Variants in IL12RB2 observed in about 807,000 individuals in gnomAD.
IL12RB2 encodes interleukin 12 receptor subunit beta 2.
A neutral mutation model predicts 89.4 loss-of-function variants in IL12RB2; 82 were observed. That is an observed-to-expected ratio of 0.92 (90% CI 0.77 to 1.10). The LOEUF is 1.10. Ranked by LOEUF, IL12RB2 falls within the 50% of genes least tolerant of loss-of-function variation. The pLI, the probability that IL12RB2 is intolerant of heterozygous loss-of-function variation, is 0.00. For missense variants in IL12RB2, 963 were observed against 1,031.9 expected (o/e 0.93, Z 0.92); for synonymous variants, 368 against 370.1 (o/e 0.99, Z 0.07).
In IL12RB2 at chr1:67,395,779, G is replaced by A. The variant is rs200650172; in HGVS notation, c.2279G>A (p.Ser760Asn). 3.7e-6 allele frequency: 6 copies of A among 1,614,122 alleles called. No individual in the cohort carries two copies. In the South Asian group the frequency reaches 6.6e-5, roughly 18 times the overall value. Residue 760 changes from serine to asparagine, a missense_variant, in exon 17 of 17, where the codon AGC becomes AAC. Ser to Asn is a conservative substitution (Grantham distance 46, BLOSUM62 1). Transcript: ENST00000674203. The part of the protein sequence containing the change: ...PPPPRALQAE[S>N]RQLVDLYKVL... ...CCTCCAAGAGCTCTCCAAGCTGAGA[G>A]CAGACAACTGGTGGATCTGTACAAG...
At chr1:67,369,311 G>A (rs1663035336) in intron 11 of IL12RB2, among the ~76,000 whole-genome samples, 1 of 152,182 alleles carries the variant, frequency 6.6e-6, no homozygotes, top group African/African-American at 2.4e-5. Flanking sequence ...CGGCTTGACG[G>A]CTGTTGCTGG....
chr1:67,361,494 C>A (rs1662035817), intron 10 of IL12RB2, among the ~76,000 whole-genome samples: 1 of 152,074 alleles, frequency 6.6e-6, no homozygotes, highest in Admixed American at 6.5e-5. Context: ...TGCTAGAGAT[C>A]AAAAACAGTG....
At chr1:67,329,467 T>A (rs989209343) in intron 6 of IL12RB2, 120 bp from the exon 7 acceptor site, 1 of 749,172 alleles carries the variant, frequency 1.3e-6, no homozygotes, top group Non-Finnish European at 2.5e-6. Context: ...TTTACCAAAT[T>A]TGATGGTTGT....
intron 10 of IL12RB2, among the ~76,000 whole-genome samples, chr1:67,364,866 A>T (rs573477643): frequency 6.6e-6 from 1 of 152,224 alleles, no homozygotes; most frequent in Non-Finnish European, 1.5e-5. Context: ...CATTCTTCTC[A>T]TGCTCATATG....
intron 8 of IL12RB2, among the ~76,000 whole-genome samples, chr1:67,335,537 C>T (rs1447524887): frequency 6.6e-6 from 1 of 152,162 alleles, no homozygotes; most frequent in East Asian, 1.9e-4. Flanking sequence ...TTTTCCTTTA[C>T]AGACAAAGTA....
chr1:67,380,554 G>A (rs1022678662), intron 14 of IL12RB2, among the ~76,000 whole-genome samples: 2 of 152,178 alleles, frequency 1.3e-5, no homozygotes, highest in African/African-American at 4.8e-5. Flanking sequence ...AGCAGCTATT[G>A]CATATGCAAC....
intron 11 of IL12RB2, 120 bp downstream of exon 11, chr1:67,368,145 G>A: frequency 2.8e-6 from 2 of 721,142 alleles, no homozygotes; most frequent in Non-Finnish European, 5.0e-6. Context: ...GAGAGAGACT[G>A]ATGACCTAGA....
intron 1 of IL12RB2, among the ~76,000 whole-genome samples, chr1:67,313,069 T>C (rs988779265): frequency 8.5e-5 from 13 of 152,276 alleles, no homozygotes; most frequent in Admixed American, 5.2e-4. Flanking sequence ...ATGTAATGGC[T>C]TGTTACATTC....
At chr1:67,343,803 A>G (rs2100790816) in intron 9 of IL12RB2, among the ~76,000 whole-genome samples, 1 of 152,290 alleles carries the variant, frequency 6.6e-6, no homozygotes, top group Non-Finnish European at 1.5e-5. Context: ...GCATCCTCTC[A>G]TTATCTTGAT....
In IL12RB2 at chr1:67,367,459, C is replaced by A. The variant is rs549217165; in HGVS notation, c.1259-366C>A. Among the ~76,000 whole-genome samples the A allele has an allele frequency of 1.3e-3, 25 of 19,322 alleles. No individual in the cohort carries two copies. The Admixed American group carries it at 0.019, about 15-fold the overall frequency. The allele number at this position is 19,322 out of a possible 152,430, so 12.7% of individuals were successfully genotyped here. Reference sequence around the variant, plus strand: ...AGAAAGAAGGAAGGAAGGAAAGGAACGAGGGAAGGAAGGAAGGAAGGAAGG... The same window carrying A: ...AGAAAGAAGGAAGGAAGGAAAGGAAAGAGGGAAGGAAGGAAGGAAGGAAGG... On this transcript the variant is annotated intron_variant, in intron 10 of 16. Transcript: ENST00000674203.
chr1:67,332,750 A>G (rs1379034570), intron 8 of IL12RB2, among the ~76,000 whole-genome samples: 4 of 152,232 alleles, frequency 2.6e-5, no homozygotes, highest in Non-Finnish European at 5.9e-5. Flanking sequence ...TTTATATCCA[A>G]GTTCAAGGTA....
chr1:67,362,626 G>C (rs1453513079), intron 10 of IL12RB2, among the ~76,000 whole-genome samples: 1 of 150,432 alleles, frequency 6.6e-6, no homozygotes, highest in Non-Finnish European at 1.5e-5. Flanking sequence ...TGCAAGCAAG[G>C]AAAGAGTAGA....
intron 15 of IL12RB2, among the ~76,000 whole-genome samples, 179 bp downstream of exon 15, chr1:67,386,848 A>G (rs1436836241): frequency 7.2e-6 from 1 of 139,550 alleles, no homozygotes; most frequent in Non-Finnish European, 1.5e-5. Flanking sequence ...TTTTGATCTA[A>G]CAATCTCTAA....
At chr1:67,362,572 CAAAAAAAAAA>C (rs956277979) in intron 10 of IL12RB2, among the ~76,000 whole-genome samples, 3 of 43,342 alleles carry the variant, frequency 6.9e-5, no homozygotes, top group African/African-American at 1.0e-4. Context: ...GACTCCGTCT[CAAAAAAAAAA>C]AAAAAAAAAA....
At chr1:67,335,535 TACAG>T (rs1186765673) in intron 8 of IL12RB2, among the ~76,000 whole-genome samples, 3 of 152,244 alleles carry the variant, frequency 2.0e-5, no homozygotes, top group Admixed American at 1.3e-4. Context: ...TTTTTTCCTT[TACAG>T]ACAAAGTATT....
chr1:67,355,957 T>A (rs1661346872), intron 10 of IL12RB2, among the ~76,000 whole-genome samples: 1 of 152,194 alleles, frequency 6.6e-6, no homozygotes, highest in Admixed American at 6.6e-5. Context: ...GAGAAAGTAG[T>A]GGTTAGAAAG....
intron 8 of IL12RB2, among the ~76,000 whole-genome samples, chr1:67,338,297 A>C (rs1282048076): frequency 1.5e-5 from 2 of 135,560 alleles, no homozygotes; most frequent in Non-Finnish European, 3.1e-5. Context: ...CCACTGCATC[A>C]CTGCATTCCA....
intron 10 of IL12RB2, among the ~76,000 whole-genome samples, chr1:67,353,887 A>G (rs1661097082): frequency 6.6e-6 from 1 of 152,224 alleles, no homozygotes; most frequent in African/African-American, 2.4e-5. Context: ...CATGAATTCT[A>G]TGGTCCCATT....
In IL12RB2 at chr1:67,337,901, TAAA is replaced by T. The variant is rs11449571; in HGVS notation, c.959-709_959-707del. 4.9e-3 allele frequency among the ~76,000 whole-genome samples: 643 copies of T among 132,296 alleles called. 3 individuals carry two copies. Among genetic ancestry groups the T allele is most frequent in the East Asian group, 0.032 (149 of 4,590 alleles). The allele number at this position is 132,296 out of a possible 152,430, so 86.8% of individuals were successfully genotyped here. A position where few individuals can be genotyped will look rare whatever the true frequency, so the allele number is the denominator to read the frequency against. ...GTTGAGAATTCTTTCTGCATTCTAG[TAAA>T]AAAAAAAAAAAAAGAAAAGAAAAGA... is the stretch of plus-strand genomic sequence containing the variant. On this transcript the variant is annotated intron_variant, in intron 8 of 16. Transcript: ENST00000674203.
Sources: allele counts gnomAD v4.1 joint callset (sites outside exome capture counted in the v4.1 genomes callset), GRCh38; gene constraint gnomAD v4.1.1; transcripts MANE v1.5; gene names NCBI Gene and HGNC (gene_info 2026-07-23, HGNC 2026-07-21).